AFTPH: variants seen among roughly 807,000 people sequenced by gnomAD.
AFTPH encodes aftiphilin.
Under a neutral mutation model 72.5 loss-of-function variants are expected in AFTPH, and 7 were observed. The observed-to-expected ratio is 0.10, with a 90% CI of 0.05 to 0.18. The LOEUF (loss-of-function observed/expected upper bound fraction) is 0.18. Ranked by LOEUF, AFTPH falls within the 10% of genes least tolerant of loss-of-function variation. AFTPH has a pLI of 1.00. For synonymous variants in AFTPH, 337 were observed against 370.1 expected, an observed-to-expected ratio of 0.91 and a Z score of 1.03; for missense variants, 979 against 1,060.5, an observed-to-expected ratio of 0.92 and a Z score of 1.07.
chr2:64,524,863 G>A (rs1479149051), intron 1 of AFTPH, among the ~76,000 whole-genome samples: 1 of 152,246 alleles, frequency 6.6e-6, no homozygotes, highest in Non-Finnish European at 1.5e-5. Flanking sequence ...GGCACCGGCC[G>A]GGTAAGTGGG....
intron 1 of AFTPH, among the ~76,000 whole-genome samples, chr2:64,531,093 G>GA (rs1332893469): frequency 7.1e-6 from 1 of 139,864 alleles, no homozygotes; most frequent in African/African-American, 2.6e-5. Flanking sequence ...ACCACAAAAT[G>GA]AAAAAAACCA....
intron 6 of AFTPH, among the ~76,000 whole-genome samples, chr2:64,578,370 G>A (rs181167523): frequency 4.6e-5 from 7 of 152,086 alleles, no homozygotes; most frequent in Admixed American, 2.6e-4. Flanking sequence ...ATAAAATACA[G>A]GTTATTTTAA....
chr2:64,577,331 G>A (rs1464284804), intron 6 of AFTPH, among the ~76,000 whole-genome samples: 1 of 150,748 alleles, frequency 6.6e-6, no homozygotes, highest in Non-Finnish European at 1.5e-5. Context: ...TTTTTGCTTC[G>A]GTATCCTGTT....
At chr2:64,552,968 A>T (rs1280703576) in exon 2 of AFTPH, 2 of 1,614,204 alleles carry the variant, frequency 1.2e-6, no homozygotes, top group South Asian at 2.2e-5. Flanking sequence ...TAACAAAGTC[A>T]GACCTAAAAC....
chr2:64,538,815 A>G (rs1355437743), intron 1 of AFTPH, among the ~76,000 whole-genome samples: 2 of 152,178 alleles, frequency 1.3e-5, no homozygotes, highest in South Asian at 2.1e-4. Flanking sequence ...AGTGGCTCAG[A>G]TAATTGAACT....
At chr2:64,560,663 A>C (rs1671669451) in intron 2 of AFTPH, among the ~76,000 whole-genome samples, 1 of 152,170 alleles carries the variant, frequency 6.6e-6, no homozygotes, top group Non-Finnish European at 1.5e-5. Context: ...ACTTGAGGTC[A>C]GGAGTTTGAG....
intron 5 of AFTPH, 105 bp from the exon 6 acceptor site, chr2:64,572,841 A>G: frequency 2.1e-6 from 3 of 1,444,522 alleles, no homozygotes; most frequent in Non-Finnish European, 2.8e-6. Flanking sequence ...TGTCTTCAGT[A>G]CTTTCCAAGT....
intron 8 of AFTPH, among the ~76,000 whole-genome samples, chr2:64,588,859 A>G (rs1464396821): frequency 6.6e-6 from 1 of 152,194 alleles, no homozygotes; most frequent in East Asian, 1.9e-4. Flanking sequence ...TATTGAGATT[A>G]CAGGCATGAG....
At chr2:64,537,857 T>C (rs905097786) in intron 1 of AFTPH, among the ~76,000 whole-genome samples, 20 of 152,238 alleles carry the variant, frequency 1.3e-4, no homozygotes, top group African/African-American at 4.6e-4. Context: ...ATTTTGTCTT[T>C]GTAAGCACCA....
Position 64,580,993 on chromosome 2 carries a change from T to G in AFTPH, c.2455+1447T>G, listed in dbSNP as rs1573038804. Reference sequence around the variant, plus strand: ...AGAAAATGTACATTGAATTAAATTGTTATTTTAGAAATGTCCTTAGTAATG... The same window carrying G: ...AGAAAATGTACATTGAATTAAATTGGTATTTTAGAAATGTCCTTAGTAATG... On this transcript the variant is annotated intron_variant, in intron 7 of 8. Coordinates refer to ENST00000238856, the Ensembl canonical transcript of AFTPH. The G allele has an allele frequency of 6.5e-5, 26 of 401,058 alleles. No individual in the cohort carries two copies. The South Asian group carries it at 1.1e-3, about 17-fold the overall frequency. 24.8% of individuals were successfully genotyped at this position (401,058 alleles called of 1,614,324 possible). A position where few individuals can be genotyped will look rare whatever the true frequency, so the allele number is the denominator to read the frequency against.
chr2:64,572,441 T>C (rs1468143837), intron 5 of AFTPH, among the ~76,000 whole-genome samples: 1 of 152,180 alleles, frequency 6.6e-6, no homozygotes, highest in Non-Finnish European at 1.5e-5. Context: ...CTTCTCACCA[T>C]GGGGTAATGT....
chr2:64,542,007 C>T (rs1474435033), intron 1 of AFTPH, among the ~76,000 whole-genome samples: 1 of 152,168 alleles, frequency 6.6e-6, no homozygotes, highest in Non-Finnish European at 1.5e-5. Flanking sequence ...CTTCACCCTC[C>T]ATCCTGGTCC....
chr2:64,524,700 GGCCGGGAGCATCTGCCCGCCGCGGA>G (rs1259456959), intron 1 of AFTPH, 88 bp downstream of exon 1: 1 of 389,124 alleles, frequency 2.6e-6, no homozygotes, highest in Non-Finnish European at 4.5e-6. Flanking sequence ...CCCTCACCCG[GGCCGGGAGCATCTGCCCGCCGCGGA>G]GCCGGGAGCT....
At chr2:64,545,609 A>AAAAAAAAAAAAC (rs1670549701) in intron 1 of AFTPH, among the ~76,000 whole-genome samples, 1 of 113,174 alleles carries the variant, frequency 8.8e-6, no homozygotes, top group African/African-American at 4.0e-5. Flanking sequence ...AAAAAAAAAA[A>AAAAAAAAAAAAC]AAAGACCTGA....
intron 7 of AFTPH, chr2:64,579,773 A>AGTTTCAGTCAAAAGTAAGCTTCTTT: frequency 2.6e-6 from 1 of 390,666 alleles, no homozygotes; most frequent in Non-Finnish European, 4.5e-6. Flanking sequence ...GTAAAATTTT[A>AGTTTCAGTCAAAAGTAAGCTTCTTT]GTTTCAGTCA....
intron 1 of AFTPH, among the ~76,000 whole-genome samples, chr2:64,540,177 G>A (rs909180908): frequency 6.6e-6 from 1 of 152,144 alleles, no homozygotes; most frequent in African/African-American, 2.4e-5. Flanking sequence ...TCAGGGATAT[G>A]AGAGTAGAGA....
At chr2:64,532,013 G>T (rs546546242) in intron 1 of AFTPH, among the ~76,000 whole-genome samples, 48 of 152,300 alleles carry the variant, frequency 3.2e-4, no homozygotes, top group Middle Eastern at 3.4e-3. Context: ...GGGTTGCACG[G>T]TAATTTTTCA....
intron 1 of AFTPH, among the ~76,000 whole-genome samples, chr2:64,545,729 G>T (rs1670569094): frequency 6.6e-6 from 1 of 150,564 alleles, no homozygotes; most frequent in Non-Finnish European, 1.5e-5. Flanking sequence ...GGACAAAATT[G>T]TGGCGATGGA....
chr2:64,538,001 C>G (rs922200301), intron 1 of AFTPH, among the ~76,000 whole-genome samples: 3 of 152,032 alleles, frequency 2.0e-5, no homozygotes, highest in African/African-American at 7.2e-5. Flanking sequence ...AAACCTATTT[C>G]TGGTTTGTAA....
Sources: gnomAD v4.1 joint callset for allele counts (sites outside exome capture counted in the v4.1 genomes callset) on GRCh38, gnomAD v4.1.1 for gene constraint, MANE v1.5 for transcripts, NCBI Gene and HGNC (gene_info 2026-07-23, HGNC 2026-07-21) for gene names.